Variants in FRMD4A observed in about 807,000 individuals in gnomAD.
The protein encoded by FRMD4A is FERM domain-containing protein 4A.
FRMD4A carries 29 observed loss-of-function variants against 129.1 expected under a neutral mutation model. The ratio of observed to expected loss-of-function variants is 0.22; its 90% CI spans 0.17 to 0.31. The LOEUF (loss-of-function observed/expected upper bound fraction) is 0.31. Among genes scored for constraint, FRMD4A ranks in the 10% least tolerant of loss-of-function variants. The pLI, the probability that FRMD4A is intolerant of heterozygous loss-of-function variation, is 1.00. For missense variants in FRMD4A, 1,272 were observed against 1,375.8 expected (o/e 0.92, Z 1.19); for synonymous variants, 634 against 571.6 (o/e 1.11, Z -1.56).
chr10:13,775,426 T>C (rs1043244103), intron 6 of FRMD4A, among the ~76,000 whole-genome samples: 1 of 150,422 alleles, frequency 6.6e-6, no homozygotes, highest in Non-Finnish European at 1.5e-5. Flanking sequence ...CTGAGAGAAA[T>C]TTTTTTTTTG....
intron 2 of FRMD4A, among the ~76,000 whole-genome samples, chr10:14,137,809 G>T (rs4750472): frequency 6.6e-6 from 1 of 152,002 alleles, no homozygotes; most frequent in African/African-American, 2.4e-5. Flanking sequence ...TTTAATTCTA[G>T]CTAAAAGCAT....
chr10:14,321,676 C>T (rs1843057038), intron 2 of FRMD4A, among the ~76,000 whole-genome samples: 1 of 152,118 alleles, frequency 6.6e-6, no homozygotes, highest in Admixed American at 6.5e-5. Flanking sequence ...TATTTCATAA[C>T]TAACACTCTA....
intron 2 of FRMD4A, among the ~76,000 whole-genome samples, chr10:14,276,743 T>C (rs1255149368): frequency 6.6e-6 from 1 of 152,264 alleles, no homozygotes; most frequent in Non-Finnish European, 1.5e-5. Context: ...TTTGCTTCTC[T>C]ATGGTGTGAA....
chr10:14,148,907 C>T (rs749758408), intron 2 of FRMD4A, among the ~76,000 whole-genome samples: 8 of 152,244 alleles, frequency 5.3e-5, no homozygotes, highest in South Asian at 4.1e-4. Flanking sequence ...TAGGGGTTTA[C>T]GCTAGGATTT....
chr10:13,879,700 GCTC>G (rs1375794863), intron 2 of FRMD4A, among the ~76,000 whole-genome samples: 6 of 144,102 alleles, frequency 4.2e-5, no homozygotes, highest in Non-Finnish European at 6.1e-5. Flanking sequence ...TCCTTTTCCT[GCTC>G]CTCCTCTTCC....
At chr10:13,945,177 G>A (rs560788755) in intron 2 of FRMD4A, among the ~76,000 whole-genome samples, 1 of 152,190 alleles carries the variant, frequency 6.6e-6, no homozygotes, top group South Asian at 2.1e-4. Context: ...AATGAACAGG[G>A]GCATAAAAAG....
At chr10:13,872,165 C>G (rs899531341) in intron 2 of FRMD4A, among the ~76,000 whole-genome samples, 1 of 149,800 alleles carries the variant, frequency 6.7e-6, no homozygotes, top group African/African-American at 2.5e-5. Flanking sequence ...TTGCTGCTCC[C>G]TGCTCCTATA....
chr10:13,649,981 CTGGGTCACAG>C (rs2081420254), intron 24 of FRMD4A, among the ~76,000 whole-genome samples: 1 of 152,326 alleles, frequency 6.6e-6, no homozygotes, highest in South Asian at 2.1e-4. Context: ...CCTGGGCAGT[CTGGGTCACAG>C]CAAGTGGTGA....
In FRMD4A at chr10:13,836,755, C is replaced by CTTTTT. The variant is rs35995042; in HGVS notation, c.111+22087_111+22091dup. ...TTCACTCCAGGGTTCCTCAGTGGTT[C>CTTTTT]TTTTTTTTTTTTTTTTTTTTGAGAC... is the stretch of plus-strand genomic sequence containing the variant. On this transcript the variant is annotated intron_variant, in intron 3 of 24. Transcript: ENST00000357447. Among the ~76,000 whole-genome samples the CTTTTT allele has an allele frequency of 9.1e-5, 10 of 109,998 alleles. 1 individual carries two copies. The highest frequency in any genetic ancestry group is 2.2e-4 in the African/African-American group (6 of 27,242). 72.2% of individuals were successfully genotyped at this position (109,998 alleles called of 152,430 possible).
chr10:14,271,514 G>A lies in FRMD4A; in HGVS notation c.45+58544C>T, dbSNP rs188038366. Among the ~76,000 whole-genome samples, 4 of 152,340 alleles carry A rather than the reference G, an allele frequency of 2.6e-5. No individual in the cohort carries two copies. The East Asian group carries it at 5.8e-4, about 22-fold the overall frequency. On this transcript the variant is annotated intron_variant, in intron 2 of 24. Coordinates refer to ENST00000357447, the MANE Select transcript of FRMD4A (RefSeq NM_018027.5). ...ACCTGAAGAAACCCCTTGCAGACGG[G>A]TGGGAGAGTAGGCTCACTCCACACA...
At chr10:14,097,847 G>A (rs868441767) in intron 2 of FRMD4A, among the ~76,000 whole-genome samples, 5 of 147,540 alleles carry the variant, frequency 3.4e-5, no homozygotes, top group African/African-American at 5.0e-5. Flanking sequence ...TCTTGAACAC[G>A]TATATGTCAA....
At chr10:14,280,129 T>A (rs1845469967) in intron 2 of FRMD4A, among the ~76,000 whole-genome samples, 1 of 152,138 alleles carries the variant, frequency 6.6e-6, no homozygotes, top group Non-Finnish European at 1.5e-5. Flanking sequence ...TGACCATTTA[T>A]TTTTTAGGGA....
chr10:14,224,810 G>A (rs549975053), intron 2 of FRMD4A, among the ~76,000 whole-genome samples: 2 of 152,292 alleles, frequency 1.3e-5, no homozygotes, highest in African/African-American at 4.8e-5. Flanking sequence ...GAAGCTATGG[G>A]GAGACAGGCC....
At chr10:14,164,676 A>G (rs1238042512) in intron 2 of FRMD4A, among the ~76,000 whole-genome samples, 1 of 152,028 alleles carries the variant, frequency 6.6e-6, no homozygotes, top group Non-Finnish European at 1.5e-5. Context: ...TGATTTCTCC[A>G]CTCACCATTT....
At chr10:13,982,205 T>G (rs921599193) in intron 2 of FRMD4A, among the ~76,000 whole-genome samples, 2 of 152,060 alleles carry the variant, frequency 1.3e-5, no homozygotes, top group East Asian at 3.9e-4. Context: ...AATTCTCAGC[T>G]GGGCATAGTG....
At chr10:13,706,779 C>CACACACAT (rs1554854732) in intron 13 of FRMD4A, among the ~76,000 whole-genome samples, 1 of 150,560 alleles carries the variant, frequency 6.6e-6, no homozygotes, top group Non-Finnish European at 1.5e-5. Context: ...CACACACACA[C>CACACACAT]GAGCCAGGGA....
rs148633704 is a variant in FRMD4A, at chr10:13,985,828, T to G, written c.46-126916A>C. ...ACTGCTCACTAGCGTACAGCCGCCC[T>G]CTAGAAGTCTGCCAGCCCTGGCGAT... On this transcript the variant is annotated intron_variant, in intron 2 of 24. Transcript: ENST00000357447. 3.6e-4 allele frequency among the ~76,000 whole-genome samples: 55 copies of G among 152,330 alleles called. 2 individuals carry two copies. The East Asian group carries it at 8.1e-3, about 22-fold the overall frequency.
intron 2 of FRMD4A, among the ~76,000 whole-genome samples, chr10:13,909,180 T>A (rs2094913853): frequency 6.6e-6 from 1 of 152,262 alleles, no homozygotes; most frequent in African/African-American, 2.4e-5. Context: ...TCTTCTGCTA[T>A]GTGAGACACA....
intron 2 of FRMD4A, among the ~76,000 whole-genome samples, chr10:14,144,569 G>A (rs900883030): frequency 4.6e-5 from 7 of 152,092 alleles, no homozygotes; most frequent in African/African-American, 1.7e-4. Context: ...GGGTGTCTTA[G>A]CAGCCCTTTT....
Sources: gnomAD v4.1 joint callset for allele counts (sites outside exome capture counted in the v4.1 genomes callset) on GRCh38, gnomAD v4.1.1 for gene constraint, MANE v1.5 for transcripts, NCBI Gene and HGNC (gene_info 2026-07-23, HGNC 2026-07-21) for gene names.